CRISPLD1: variants seen among roughly 807,000 people sequenced by gnomAD.
CRISPLD1 encodes cysteine-rich secretory protein LCCL domain-containing 1.
Under a neutral mutation model 77.5 loss-of-function variants are expected in CRISPLD1, and 60 were observed. The ratio of observed to expected loss-of-function variants is 0.77; its 90% CI spans 0.63 to 0.96. The LOEUF (loss-of-function observed/expected upper bound fraction) is 0.96, where lower values mean the gene tolerates loss of function less well. Ranked by LOEUF, CRISPLD1 falls within the 40% of genes least tolerant of loss-of-function variation. The probability of loss-of-function intolerance (pLI) is 0.00; values close to 1 mark genes in which losing one functional copy is unlikely to be tolerated. For missense variants in CRISPLD1, 623 were observed against 615.8 expected, an observed-to-expected ratio of 1.01 and a Z score of -0.12; for synonymous variants, 195 against 200.1, an observed-to-expected ratio of 0.97 and a Z score of 0.22.
intron 2 of CRISPLD1, among the ~76,000 whole-genome samples, chr8:75,004,406 G>A (rs184400964): frequency 3.5e-4 from 54 of 152,278 alleles, no homozygotes; most frequent in African/African-American, 1.1e-3. Context: ...TTTCAGCACA[G>A]ATTTATTTAC....
At chr8:74,985,819 A>G in intron 1 of CRISPLD1, 107 bp from the exon 2 acceptor site, 2 of 747,528 alleles carry the variant, frequency 2.7e-6, no homozygotes, top group Non-Finnish European at 4.4e-6. Flanking sequence ...TGTTAAATAG[A>G]CAAATCAAAC....
In CRISPLD1 at chr8:74,984,912, A is replaced by C. The variant is rs1424179306; in HGVS notation, c.-71A>C. 2.6e-5 allele frequency: 4 copies of C among 152,110 alleles called. No individual in the cohort carries two copies. The highest frequency in any genetic ancestry group is 5.9e-5 in the Non-Finnish European group (4 of 68,058). 9.4% of individuals were successfully genotyped at this position (152,110 alleles called of 1,614,324 possible). Reference sequence around the variant, plus strand: ...GCTCACCTCTCCCAGGAAACTTCACACTGGAGAGGTAAGGGCGATTCTAAA... The same window carrying C: ...GCTCACCTCTCCCAGGAAACTTCACCCTGGAGAGGTAAGGGCGATTCTAAA... On this transcript the variant is annotated 5_prime_UTR_variant, in exon 1 of 15. Transcript: ENST00000262207.
chr8:74,985,980 C>T lies in CRISPLD1; in HGVS notation c.-8C>T, dbSNP rs1043754347. The T allele has an allele frequency of 8.1e-6, 13 of 1,604,238 alleles. No homozygotes were observed. The highest frequency in any genetic ancestry group is 1.1e-5 in the Non-Finnish European group (13 of 1,172,510). On this transcript the variant is annotated 5_prime_UTR_variant, in exon 2 of 15. Transcript: ENST00000262207. ...GATTTTCCTGGGGAAATCCTGAGGT[C>T]ATTCATTATGAAGTGTACCGCGCGG...
chr8:75,009,931 AG>A (rs1165624996), intron 2 of CRISPLD1, among the ~76,000 whole-genome samples: 2 of 152,152 alleles, frequency 1.3e-5, no homozygotes, highest in Non-Finnish European at 2.9e-5. Context: ...TAAATGGTAA[AG>A]TTAATTAATA....
chr8:75,007,300 A>G (rs956127732), intron 2 of CRISPLD1, among the ~76,000 whole-genome samples: 49 of 152,284 alleles, frequency 3.2e-4, no homozygotes, highest in African/African-American at 1.2e-3. Context: ...AAAAAGTTGT[A>G]TCACTAATTA....
At chr8:75,025,496 C>T in intron 12 of CRISPLD1, 50 bp from the exon 13 acceptor site, 1 of 743,600 alleles carries the variant, frequency 1.3e-6, no homozygotes. Flanking sequence ...ATAAGAAAGA[C>T]TTAAGTAACC....
At chr8:75,023,487 G>A (rs1341954776) in intron 12 of CRISPLD1, among the ~76,000 whole-genome samples, 1 of 152,060 alleles carries the variant, frequency 6.6e-6, no homozygotes, top group East Asian at 1.9e-4. Flanking sequence ...TATTTAAATG[G>A]TTCTGGTTTC....
rs2128788373 is a variant in CRISPLD1 at position 75,025,605 on chromosome 8, C to T, written c.1304C>T (p.Thr435Ile). Residue 435 changes from threonine (T) to isoleucine (I), a missense_variant, in exon 13 of 15, where the codon ACT (threonine) becomes ATT (isoleucine). Coordinates refer to ENST00000262207, the MANE Select transcript of CRISPLD1 (RefSeq NM_031461.6). ...CCACATTATGCTCGTGTAATTGGAA[C>T]TCGAGTTTATTCTGATGTAAGTATC... ...ANPHYARVIG[T>I]RVYSDLSSIC... is the part of the protein sequence containing the mutation. The T allele has an allele frequency of 6.3e-7, 1 of 1,577,712 alleles. No homozygotes were observed. The highest frequency in any genetic ancestry group is 8.7e-7 in the Non-Finnish European group (1 of 1,149,506).
At chr8:74,987,828 C>G (rs1156732689) in intron 2 of CRISPLD1, among the ~76,000 whole-genome samples, 1 of 152,100 alleles carries the variant, frequency 6.6e-6, no homozygotes, top group Non-Finnish European at 1.5e-5. Flanking sequence ...AAAATGAAAT[C>G]TGAGAATATT....
chr8:74,986,995 A>G (rs1812506999), intron 2 of CRISPLD1, among the ~76,000 whole-genome samples: 1 of 152,332 alleles, frequency 6.6e-6, no homozygotes, highest in South Asian at 2.1e-4. Flanking sequence ...TATTCCTTCC[A>G]TGAATGAGGA....
intron 14 of CRISPLD1, among the ~76,000 whole-genome samples, chr8:75,030,005 A>T (rs1054558723): frequency 6.6e-6 from 1 of 152,132 alleles, no homozygotes; most frequent in African/African-American, 2.4e-5. Flanking sequence ...GTCATTTTTC[A>T]TATTATTTAA....
intron 6 of CRISPLD1, among the ~76,000 whole-genome samples, 155 bp from the exon 7 acceptor site, chr8:75,016,410 A>G (rs1264889711): frequency 1.3e-5 from 2 of 152,180 alleles, no homozygotes; most frequent in African/African-American, 4.8e-5. Flanking sequence ...TGCAGTACCT[A>G]AGATCACCAC....
intron 2 of CRISPLD1, among the ~76,000 whole-genome samples, chr8:74,988,848 A>G (rs1812532381): frequency 6.6e-6 from 1 of 152,194 alleles, no homozygotes; most frequent in Non-Finnish European, 1.5e-5. Context: ...AAACAAAAAA[A>G]ACTTGAGTCT....
intron 2 of CRISPLD1, among the ~76,000 whole-genome samples, chr8:75,000,944 G>A (rs1401468866): frequency 1.3e-5 from 2 of 152,070 alleles, no homozygotes; most frequent in Non-Finnish European, 2.9e-5. Flanking sequence ...TGACAAAATA[G>A]TTTTATTAGA....
At chr8:75,003,412 A>G (rs1181417108) in intron 2 of CRISPLD1, among the ~76,000 whole-genome samples, 3 of 152,198 alleles carry the variant, frequency 2.0e-5, no homozygotes. Context: ...CACAAAAGCA[A>G]TTATTTTTTA....
At chr8:74,992,914 T>G (rs917050434) in intron 2 of CRISPLD1, among the ~76,000 whole-genome samples, 7 of 150,894 alleles carry the variant, frequency 4.6e-5, no homozygotes, top group African/African-American at 7.3e-5. Flanking sequence ...GGTTTTTTTT[T>G]TTTTTTTTTT....
intron 2 of CRISPLD1, among the ~76,000 whole-genome samples, chr8:75,008,424 C>T (rs61150402): frequency 0.26 from 38,810 of 151,982 alleles, 6,558 homozygotes; most frequent in African/African-American, 0.49. Flanking sequence ...GTAGAACTTA[C>T]TGGCAGTTTT....
At chr8:75,030,678 A>ATGTG (rs1225992433) in intron 14 of CRISPLD1, among the ~76,000 whole-genome samples, 21 of 137,476 alleles carry the variant, frequency 1.5e-4, no homozygotes, top group African/African-American at 6.3e-4. Flanking sequence ...ACCCGGAGAT[A>ATGTG]TATGTGTGTG....
chr8:74,993,637 A>G (rs528441243), intron 2 of CRISPLD1, among the ~76,000 whole-genome samples: 1 of 152,360 alleles, frequency 6.6e-6, no homozygotes, highest in South Asian at 2.1e-4. Flanking sequence ...AAAAAAAGTG[A>G]CATTACAACC....
Sources: gnomAD v4.1 joint callset for allele counts (sites outside exome capture counted in the v4.1 genomes callset) on GRCh38, gnomAD v4.1.1 for gene constraint, MANE v1.5 for transcripts, NCBI Gene and HGNC (gene_info 2026-07-23, HGNC 2026-07-21) for gene names.